EWSR1: variants seen among roughly 807,000 people sequenced by gnomAD.
EWSR1 encodes EWS RNA binding protein 1.
A neutral mutation model predicts 92.1 loss-of-function variants in EWSR1; 14 were observed. The observed-to-expected ratio is 0.15, with a 90% CI of 0.10 to 0.24. EWSR1 has a LOEUF of 0.24. EWSR1 is among the 10% of genes least tolerant of loss of function. The probability of loss-of-function intolerance (pLI) is 1.00; values close to 1 mark genes in which losing one functional copy is unlikely to be tolerated. For synonymous variants in EWSR1, 303 were observed against 292.9 expected, an observed-to-expected ratio of 1.03 and a Z score of -0.35; for missense variants, 637 against 870.9, an observed-to-expected ratio of 0.73 and a Z score of 3.38.
intron 15 of EWSR1, 55 bp downstream of exon 15, chr22:29,299,386 C>CTTAT: frequency 6.4e-7 from 1 of 1,571,240 alleles, no homozygotes; most frequent in Non-Finnish European, 8.7e-7. Context: ...AACCTCTTTT[C>CTTAT]TTATTTGTGG....
At chr22:29,296,923 C>T (rs1020517426) in intron 12 of EWSR1, among the ~76,000 whole-genome samples, 1 of 152,126 alleles carries the variant, frequency 6.6e-6, no homozygotes, top group African/African-American at 2.4e-5. Context: ...CACTCCTATA[C>T]CTATAGTACC....
At position 29,269,949 on chromosome 22, in the gene EWSR1, C is replaced by T. The variant is rs187611620; in HGVS notation, c.13+1600C>T. Among the ~76,000 whole-genome samples the T allele has an allele frequency of 1.8e-3, 268 of 152,338 alleles. 1 individual carries two copies. The highest frequency in any genetic ancestry group is 6.2e-3 in the African/African-American group (259 of 41,570). ...ATTACAGTTGTGGTTTCTGTTGACA[C>T]AAAGTAAACACATTAGGCCTGGCTG... On this transcript the variant is annotated intron_variant, in intron 1 of 16. Coordinates refer to ENST00000397938, the MANE Select transcript of EWSR1 (RefSeq NM_005243.4).
At chr22:29,299,007 G>T in intron 14 of EWSR1, 112 bp downstream of exon 14, 2 of 1,352,432 alleles carry the variant, frequency 1.5e-6, no homozygotes, top group Non-Finnish European at 2.0e-6. Flanking sequence ...TGATGACCCT[G>T]ATGGCTGGTT....
At chr22:29,283,425 C>T (rs12157437) in intron 6 of EWSR1, among the ~76,000 whole-genome samples, 2 of 146,286 alleles carry the variant, frequency 1.4e-5, no homozygotes, top group Non-Finnish European at 2.9e-5. Context: ...GCACGATCTC[C>T]GCTCACTGCA....
intron 11 of EWSR1, among the ~76,000 whole-genome samples, chr22:29,292,996 C>G (rs2060559960): frequency 6.6e-6 from 1 of 151,958 alleles, no homozygotes; most frequent in African/African-American, 2.4e-5. Flanking sequence ...GTGATCTGCC[C>G]ACCTTGGCGC....
intron 7 of EWSR1, among the ~76,000 whole-genome samples, chr22:29,287,503 C>T (rs1203688356): frequency 6.6e-6 from 1 of 152,176 alleles, no homozygotes. Context: ...CCACTGCGCC[C>T]AGCCACGTTT....
At chr22:29,271,035 C>T (rs958905501) in intron 1 of EWSR1, among the ~76,000 whole-genome samples, 1 of 152,176 alleles carries the variant, frequency 6.6e-6, no homozygotes, top group Admixed American at 6.5e-5. Context: ...GAGATGGATT[C>T]AGCAAAGCTC....
At chr22:29,282,938 AT>A (rs2059725902) in intron 6 of EWSR1, among the ~76,000 whole-genome samples, 1 of 151,564 alleles carries the variant, frequency 6.6e-6, no homozygotes, top group Admixed American at 6.6e-5. Flanking sequence ...AATTTTTTGT[AT>A]TTTTAGTAGA....
intron 11 of EWSR1, among the ~76,000 whole-genome samples, chr22:29,294,653 T>A (rs908536290): frequency 7.5e-6 from 1 of 132,712 alleles, no homozygotes; most frequent in Non-Finnish European, 1.6e-5. Context: ...TGGTGGCTCA[T>A]GCCTGTAATC....
intron 1 of EWSR1, among the ~76,000 whole-genome samples, chr22:29,270,769 C>T (rs1178861613): frequency 6.6e-6 from 1 of 152,154 alleles, no homozygotes; most frequent in African/African-American, 2.4e-5. Context: ...TGATTCATTG[C>T]TGTGTTTATT....
intron 8 of EWSR1, chr22:29,289,675 C>T (rs1248151902): frequency 2.2e-5 from 5 of 231,748 alleles, no homozygotes; most frequent in African/African-American, 4.4e-5. Flanking sequence ...ACATTTGATA[C>T]GGTGTGCCAC....
chr22:29,269,848 C>CT (rs2146657765), intron 1 of EWSR1, among the ~76,000 whole-genome samples: 1 of 152,350 alleles, frequency 6.6e-6, no homozygotes, highest in East Asian at 1.9e-4. Flanking sequence ...TTTTGCGTGG[C>CT]TGGACGTGCC....
At chr22:29,268,921 C>T (rs2058394073) in intron 1 of EWSR1, among the ~76,000 whole-genome samples, 1 of 152,238 alleles carries the variant, frequency 6.6e-6, no homozygotes, top group Non-Finnish European at 1.5e-5. Flanking sequence ...GCCGAGCTGC[C>T]CCCTCTGTGG....
At chr22:29,298,256 A>T (rs191986607) in intron 13 of EWSR1, among the ~76,000 whole-genome samples, 140 of 152,320 alleles carry the variant, frequency 9.2e-4, no homozygotes, top group African/African-American at 3.1e-3. Context: ...CTGTAATCCC[A>T]GCACTTTGGG....
chr22:29,290,028 T>C lies in EWSR1; in HGVS notation c.974+1242T>C, dbSNP rs749243634. 1.1e-3 allele frequency: 269 copies of C among 235,782 alleles called. 2 individuals are homozygous for C. The highest frequency in any genetic ancestry group is 1.5e-3 in the Non-Finnish European group (177 of 120,106). The allele number at this position is 235,782 out of a possible 1,614,324, so 14.6% of individuals were successfully genotyped here. On this transcript the variant is annotated intron_variant, in intron 8 of 16. Transcript: ENST00000397938. ...CTCAAATCACCTAGAATTCCTAGTA[T>C]TTTTAAATTGCAAATACAATTTCAA... is the stretch of plus-strand genomic sequence containing the variant.
Position 29,290,643 on chromosome 22 carries a change from C to T in EWSR1, c.975-919C>T, listed in dbSNP as rs1298601621. 9.2e-5 allele frequency: 130 copies of T among 1,414,192 alleles called. No individual in the cohort carries two copies. In the East Asian group the frequency reaches 3.2e-3, roughly 35 times the overall value. The allele number at this position is 1,414,192 out of a possible 1,614,324, so 87.6% of individuals were successfully genotyped here. On this transcript the variant is annotated intron_variant, in intron 8 of 16. Coordinates refer to ENST00000397938, the MANE Select transcript of EWSR1 (RefSeq NM_005243.4). Reference sequence around the variant, plus strand: ...AATGAACCAGAGGAGGTATAATACTCTAGAATTGTGTAACATTAAAGTGTA... The same window carrying T: ...AATGAACCAGAGGAGGTATAATACTTTAGAATTGTGTAACATTAAAGTGTA...
chr22:29,289,684 A>G (rs2060302599), intron 8 of EWSR1: 2 of 232,620 alleles, frequency 8.6e-6, no homozygotes, highest in Non-Finnish European at 1.7e-5. Context: ...ACGGTGTGCC[A>G]CTATTCAAGG....
In EWSR1 at chr22:29,299,856, G is replaced by GTGCTGGTGAA. The variant is rs1555917530; in HGVS notation, c.1931+6_1931+15dup. On this transcript the variant is annotated splice_donor_region_variant and intron_variant, in intron 16 of 16. Coordinates refer to ENST00000397938, the MANE Select transcript of EWSR1 (RefSeq NM_005243.4). The stretch of plus-strand genomic sequence containing the variant: ...AGGACCTGGAAAAATGGATAAGTAA[G>GTGCTGGTGAA]TGCTGGTGAAAAGCAGCTGTGGGCC... 4 of 1,539,334 alleles carry GTGCTGGTGAA rather than the reference G, an allele frequency of 2.6e-6. No homozygotes were observed. The highest frequency in any genetic ancestry group is 3.5e-6 in the Non-Finnish European group (4 of 1,141,656).
Position 29,297,812 on chromosome 22 carries a change from G to A in EWSR1, c.1295-15G>A, listed in dbSNP as rs1569119414. On this transcript the variant is annotated splice_polypyrimidine_tract_variant and intron_variant, in intron 12 of 16. Coordinates refer to ENST00000397938, the MANE Select transcript of EWSR1 (RefSeq NM_005243.4). ...AGTACAGGGGAGTAATTGATGTTCT[G>A]TTGTCTTGTTCCAGGGAAAGATTTT... 1 of 1,613,598 alleles carries A rather than the reference G, an allele frequency of 6.2e-7. No individual in the cohort carries two copies. The highest frequency in any genetic ancestry group is 8.5e-7 in the Non-Finnish European group (1 of 1,179,806).
Sources: allele counts gnomAD v4.1 joint callset (sites outside exome capture counted in the v4.1 genomes callset), GRCh38; gene constraint gnomAD v4.1.1; transcripts MANE v1.5; gene names NCBI Gene and HGNC (gene_info 2026-07-23, HGNC 2026-07-21).